ASXL1: variants seen among roughly 807,000 people sequenced by gnomAD.
The protein encoded by ASXL1 is ASXL transcriptional regulator 1.
Under a neutral mutation model 89.1 loss-of-function variants are expected in ASXL1, and 65 were observed. The ratio of observed to expected loss-of-function variants is 0.73; its 90% CI spans 0.60 to 0.90. ASXL1 has a LOEUF of 0.90. Among genes scored for constraint, ASXL1 ranks in the 40% least tolerant of loss-of-function variants. The pLI, the probability that ASXL1 is intolerant of heterozygous loss-of-function variation, is 0.00. For missense variants in ASXL1, 1,786 were observed against 1,942.9 expected (o/e 0.92, Z 1.52); for synonymous variants, 739 against 746.9 (o/e 0.99, Z 0.17).
At chr20:32,397,825 C>G (rs1406298176) in intron 4 of ASXL1, among the ~76,000 whole-genome samples, 1 of 152,242 alleles carries the variant, frequency 6.6e-6, no homozygotes, top group Non-Finnish European at 1.5e-5. Flanking sequence ...GTTGGACAAA[C>G]TTGCTCTGGG....
intron 4 of ASXL1, among the ~76,000 whole-genome samples, chr20:32,407,254 G>C (rs1343181109): frequency 6.6e-6 from 1 of 151,918 alleles, no homozygotes; most frequent in Non-Finnish European, 1.5e-5. Context: ...TGAGGCACAA[G>C]AATTGCTTGA....
At chr20:32,359,469 G>A in intron 1 of ASXL1, 1 of 687,436 alleles carries the variant, frequency 1.5e-6, no homozygotes, top group Non-Finnish European at 2.7e-6. Flanking sequence ...GACCTGCTGA[G>A]CCTCAGGGTC....
chr20:32,385,202 T>C (rs2048558753), intron 4 of ASXL1, among the ~76,000 whole-genome samples: 2 of 152,236 alleles, frequency 1.3e-5, no homozygotes, highest in African/African-American at 2.4e-5. Flanking sequence ...ATAAATATGT[T>C]TCCAAGTCCT....
chr20:32,368,415 C>T (rs2048240934), intron 3 of ASXL1, among the ~76,000 whole-genome samples: 1 of 152,110 alleles, frequency 6.6e-6, no homozygotes, highest in Admixed American at 6.6e-5. Context: ...TTACTTTTTG[C>T]ATTTAGGTTT....
intron 4 of ASXL1, among the ~76,000 whole-genome samples, chr20:32,375,690 TTTTG>T (rs2048366566): frequency 6.7e-6 from 1 of 150,268 alleles, no homozygotes; most frequent in African/African-American, 2.4e-5. Flanking sequence ...TTTTGTTTTG[TTTTG>T]TTTTTTGAGA....
chr20:32,367,752 T>C (rs772341690), intron 3 of ASXL1, 23 bp downstream of exon 3: 4 of 780,854 alleles, frequency 5.1e-6, no homozygotes, highest in African/African-American at 1.7e-5. Context: ...CTTTGGGACA[T>C]ATGGAATTGA....
chr20:32,436,333 C>G lies in ASXL1; in HGVS notation c.3621C>G (p.Val1207=), dbSNP rs781523302. 19 of 1,613,950 alleles carry G rather than the reference C, an allele frequency of 1.2e-5. No homozygotes were observed. Among genetic ancestry groups the G allele is most frequent in the Admixed American group, 5.0e-5 (3 of 60,026 alleles). The change falls in exon 13 of 13, where the codon GTC becomes GTG. Residue 1207 remains valine, a synonymous_variant. Coordinates refer to ENST00000375687, the MANE Select transcript of ASXL1 (RefSeq NM_015338.6). ...CACCCCAAAAGAATTGCAAGGCAGT[C>G]CCAAGTTTTGACTCCCTCCATCCAG... The part of the protein sequence containing the change: ...PGAPQKNCKA[V]PSFDSLHPVT...
At chr20:32,372,116 G>C in intron 4 of ASXL1, 3 of 1,341,800 alleles carry the variant, frequency 2.2e-6, no homozygotes, top group Non-Finnish European at 3.0e-6. Context: ...GGCATAGTAC[G>C]TGCTTTATGT....
chr20:32,381,513 C>CTTTTTTT (rs59213941), intron 4 of ASXL1, among the ~76,000 whole-genome samples: 2 of 131,412 alleles, frequency 1.5e-5, no homozygotes, highest in African/African-American at 2.9e-5. Context: ...TTACCAAAAT[C>CTTTTTTT]TTTTTTTTTT....
rs754658635 is a variant in ASXL1, at chr20:32,433,621, G to A, written c.1423G>A (p.Asp475Asn). Residue 475 changes from aspartate to asparagine, a missense_variant, in exon 12 of 13, where the codon GAC becomes AAC. By Grantham distance (23) the Asp-to-Asn change is conservative. Transcript: ENST00000375687. ...GCCAGGCACATCCTCTGCAGCACCC[G>A]ACCTGGAGGGTCCCGAATTCCCAGT... is the stretch of plus-strand genomic sequence containing the variant. ...HLPGTSSAAP[D>N]LEGPEFPVES... 1.2e-5 allele frequency: 19 copies of A among 1,613,256 alleles called. No individual in the cohort carries two copies. Among genetic ancestry groups the A allele is most frequent in the African/African-American group, 1.3e-5 (1 of 74,902 alleles).
chr20:32,408,496 A>G (rs1020964410), intron 4 of ASXL1, among the ~76,000 whole-genome samples: 1 of 152,164 alleles, frequency 6.6e-6, no homozygotes, highest in African/African-American at 2.4e-5. Flanking sequence ...TAGTAGTGTG[A>G]ATCCTCTGTG....
Position 32,428,238 on chromosome 20 carries a change from T to C in ASXL1, c.363T>C (p.Gly121=). The change falls in exon 5 of 13, where the codon GGT becomes GGC. Residue 121 remains glycine (G), a synonymous_variant. Coordinates refer to ENST00000375687, the MANE Select transcript of ASXL1 (RefSeq NM_015338.6). ...CGSNEASTVS[G]ENDVSLDETS... ...CTAATGAAGCCAGCACTGTGAGTGG[T>C]GAAAACGATGGTAAGGACCCTTTAA... The C allele has an allele frequency of 6.2e-7, 1 of 1,614,166 alleles. No homozygotes were observed. The highest frequency in any genetic ancestry group is 8.5e-7 in the Non-Finnish European group (1 of 1,180,034).
intron 1 of ASXL1, 55 bp from the exon 2 acceptor site, chr20:32,366,329 G>C (rs2122808307): frequency 6.9e-7 from 1 of 1,454,516 alleles, no homozygotes; most frequent in Non-Finnish European, 9.7e-7. Flanking sequence ...ATATATGGAT[G>C]GATGGATATA....
At chr20:32,375,448 C>CAA (rs71187112) in intron 4 of ASXL1, among the ~76,000 whole-genome samples, 34 of 136,822 alleles carry the variant, frequency 2.5e-4, no homozygotes, top group East Asian at 1.2e-3. Flanking sequence ...GACTTGGTCT[C>CAA]AAAAAAAAAA....
chr20:32,387,836 C>G (rs567945728), intron 4 of ASXL1, among the ~76,000 whole-genome samples: 17 of 152,188 alleles, frequency 1.1e-4, no homozygotes, highest in Admixed American at 1.1e-3. Context: ...TATCTCTATT[C>G]GGATATCTAA....
At chr20:32,381,107 T>A (rs2048478596) in intron 4 of ASXL1, among the ~76,000 whole-genome samples, 1 of 152,230 alleles carries the variant, frequency 6.6e-6, no homozygotes, top group African/African-American at 2.4e-5. Flanking sequence ...CCTGGAAAAT[T>A]CTGCGGTAAC....
intron 4 of ASXL1, among the ~76,000 whole-genome samples, chr20:32,373,016 A>T (rs746679421): frequency 6.8e-6 from 1 of 146,514 alleles, no homozygotes; most frequent in Non-Finnish European, 1.5e-5. Flanking sequence ...GACTCAAGCG[A>T]TCCACCCACC....
At chr20:32,421,569 CA>C (rs2049250578) in intron 4 of ASXL1, among the ~76,000 whole-genome samples, 1 of 151,976 alleles carries the variant, frequency 6.6e-6, no homozygotes, top group Admixed American at 6.6e-5. Flanking sequence ...CAAGAATGTT[CA>C]TAATAGCTTT....
Position 32,438,390 on chromosome 20 carries a change from A to C in ASXL1, c.*1052A>C. 4.3e-6 allele frequency: 1 copy of C among 233,586 alleles called. No homozygotes were observed. Among genetic ancestry groups the C allele is most frequent in the East Asian group, 6.0e-5 (1 of 16,570 alleles). 14.5% of individuals were successfully genotyped at this position (233,586 alleles called of 1,614,324 possible). A position where few individuals can be genotyped will look rare whatever the true frequency, so the allele number is the denominator to read the frequency against. ...AATTTTACATCTTCAGCATCATTGCATTAAAGTGGTGTAATCTCCTTCTCT... is the reference window on the plus strand; with the variant it reads ...AATTTTACATCTTCAGCATCATTGCCTTAAAGTGGTGTAATCTCCTTCTCT... On this transcript the variant is annotated 3_prime_UTR_variant, in exon 13 of 13. Transcript: ENST00000375687.
Sources: allele counts gnomAD v4.1 joint callset (sites outside exome capture counted in the v4.1 genomes callset), GRCh38; gene constraint gnomAD v4.1.1; transcripts MANE v1.5; gene names NCBI Gene and HGNC (gene_info 2026-07-23, HGNC 2026-07-21).